The following ATP10A variants were observed in gnomAD, a reference collection of about 807,000 sequenced individuals.
ATP10A encodes the protein ATPase phospholipid transporting 10A (putative), also known as phospholipid-transporting ATPase VA.
Under a neutral mutation model 147.8 loss-of-function variants are expected in ATP10A, and 111 were observed. The observed-to-expected ratio is 0.75, with a 90% CI of 0.64 to 0.88. ATP10A has a LOEUF of 0.88. Among genes scored for constraint, ATP10A ranks in the 40% least tolerant of loss-of-function variants. The pLI, the probability that ATP10A is intolerant of heterozygous loss-of-function variation, is 0.00. For synonymous variants in ATP10A, 875 were observed against 841.6 expected (o/e 1.04, Z -0.69); for missense variants, 1,927 against 1,959.0 (o/e 0.98, Z 0.31).
At chr15:25,842,646 A>G (rs375175069) in intron 1 of ATP10A, among the ~76,000 whole-genome samples, 1 of 152,272 alleles carries the variant, frequency 6.6e-6, no homozygotes, top group African/African-American at 2.4e-5. Flanking sequence ...ATATGTCAAC[A>G]GTCTTTTAGG....
At chr15:25,761,032 A>G (rs987631301) in intron 2 of ATP10A, among the ~76,000 whole-genome samples, 14 of 152,236 alleles carry the variant, frequency 9.2e-5, no homozygotes, top group Admixed American at 2.6e-4. Context: ...CTATCAACAG[A>G]TGAATGAATC....
At chr15:25,840,544 C>A (rs1892769104) in intron 1 of ATP10A, among the ~76,000 whole-genome samples, 1 of 152,114 alleles carries the variant, frequency 6.6e-6, no homozygotes, top group Non-Finnish European at 1.5e-5. Flanking sequence ...GTTTCTTTAA[C>A]CACTTACCTT....
At chr15:25,713,475 A>G (rs192095800) in intron 10 of ATP10A, among the ~76,000 whole-genome samples, 199 bp downstream of exon 10, 11 of 152,340 alleles carry the variant, frequency 7.2e-5, no homozygotes, top group Non-Finnish European at 1.5e-4. Context: ...CAGGCATGGA[A>G]GTCCCCTGAA....
intron 5 of ATP10A, among the ~76,000 whole-genome samples, chr15:25,724,255 G>A (rs182278218): frequency 6.6e-6 from 1 of 152,248 alleles, no homozygotes; most frequent in East Asian, 1.9e-4. Context: ...TCCCATTGTT[G>A]GTGCTAAGTG....
At chr15:25,841,480 T>C (rs1459533135) in intron 1 of ATP10A, 1 of 152,086 alleles carries the variant, frequency 6.6e-6, no homozygotes, top group Non-Finnish European at 1.5e-5. Context: ...TAAGCATTAA[T>C]ATTGGGAGAA....
chr15:25,837,571 A>G (rs776511413), intron 1 of ATP10A, among the ~76,000 whole-genome samples: 49 of 152,274 alleles, frequency 3.2e-4, no homozygotes, highest in Middle Eastern at 6.8e-3. Context: ...AGGGCTTTCC[A>G]TGTAGTAGAT....
chr15:25,727,124 G>A, intron 4 of ATP10A, 36 bp downstream of exon 4: 1 of 1,470,954 alleles, frequency 6.8e-7, no homozygotes, highest in Non-Finnish European at 9.5e-7. Context: ...ACACAGCGCT[G>A]TCTGGCGGCA....
intron 1 of ATP10A, among the ~76,000 whole-genome samples, chr15:25,829,816 G>C (rs1892276989): frequency 6.6e-6 from 1 of 152,118 alleles, no homozygotes; most frequent in Non-Finnish European, 1.5e-5. Context: ...ACGGGGGAGG[G>C]ACACAGTGGG....
At chr15:25,732,289 A>G (rs1284051856) in intron 3 of ATP10A, among the ~76,000 whole-genome samples, 1 of 151,946 alleles carries the variant, frequency 6.6e-6, no homozygotes, top group Non-Finnish European at 1.5e-5. Context: ...AGGATGGAGT[A>G]CAATGGCACA....
chr15:25,727,379 G>T, intron 3 of ATP10A, 113 bp from the exon 4 acceptor site: 1 of 968,724 alleles, frequency 1.0e-6, no homozygotes, highest in Non-Finnish European at 1.6e-6. Context: ...TGGGGCCGCT[G>T]GGATCTGGAC....
Position 25,679,230 on chromosome 15 carries a change from G to T in ATP10A, c.*111C>A. ...TTGGTACCTCTTGTTTCCTGTATTA[G>T]CCTGGGAAACATTTAGAAATACATC... On this transcript the variant is annotated 3_prime_UTR_variant, in exon 21 of 21. Transcript: ENST00000555815. The T allele has an allele frequency of 1.1e-6, 1 of 882,954 alleles. No individual in the cohort carries two copies. 54.7% of individuals were successfully genotyped at this position (882,954 alleles called of 1,614,324 possible).
rs182421788 is a variant in ATP10A, at chr15:25,838,625, T to C, written c.449+24023A>G. Among the ~76,000 whole-genome samples, 280 of 152,334 alleles carry C rather than the reference T, an allele frequency of 1.8e-3. 1 individual carries two copies. Among genetic ancestry groups the C allele is most frequent in the Non-Finnish European group, 2.1e-3 (146 of 68,046 alleles). On this transcript the variant is annotated intron_variant, in intron 1 of 20. Coordinates refer to ENST00000555815, the MANE Select transcript of ATP10A (RefSeq NM_024490.4). Reference sequence around the variant, plus strand: ...CAGCAACGGAGTGTTATTACTCAAGTGCAGATGAAGTTTTGATTTTCTGCA... The same window carrying C: ...CAGCAACGGAGTGTTATTACTCAAGCGCAGATGAAGTTTTGATTTTCTGCA...
chr15:25,831,671 C>G (rs1225583596), intron 1 of ATP10A, among the ~76,000 whole-genome samples: 2 of 152,172 alleles, frequency 1.3e-5, no homozygotes, highest in East Asian at 3.8e-4. Context: ...GAACCTGCAC[C>G]TATAGAGGCT....
Position 25,722,174 on chromosome 15 carries a change from T to C in ATP10A, c.1111-265A>G, listed in dbSNP as rs183938744. Among the ~76,000 whole-genome samples, 30 of 152,122 alleles carry C rather than the reference T, an allele frequency of 2.0e-4. No homozygotes were observed. The East Asian group carries it at 4.8e-3, about 25-fold the overall frequency. On this transcript the variant is annotated intron_variant, in intron 6 of 20. Coordinates refer to ENST00000555815, the MANE Select transcript of ATP10A (RefSeq NM_024490.4). ...GTCTGGAAGTATGGTACCCATGGCT[T>C]GGATAGAAGCAAGCAAGTTGTGCTT...
chr15:25,718,177 C>T lies in ATP10A; in HGVS notation c.1581+5G>A, dbSNP rs750810312. The T allele has an allele frequency of 6.2e-7, 1 of 1,612,128 alleles. No individual in the cohort carries two copies. Among genetic ancestry groups the T allele is most frequent in the Non-Finnish European group, 8.5e-7 (1 of 1,179,278 alleles). On this transcript the variant is annotated splice_donor_5th_base_variant and intron_variant, in intron 8 of 20. Transcript: ENST00000555815. Reference sequence around the variant, plus strand: ...GCACCCTAGCAGGAGGCCCTGTACACTCACCATGGGGCTGCTGAAGGCCGT... The same window carrying T: ...GCACCCTAGCAGGAGGCCCTGTACATTCACCATGGGGCTGCTGAAGGCCGT...
intron 12 of ATP10A, among the ~76,000 whole-genome samples, chr15:25,706,431 A>G (rs12901219): frequency 0.5 from 76,010 of 151,670 alleles, 19,185 homozygotes; most frequent in Admixed American, 0.58. Context: ...ACAAGAGCCC[A>G]AAACACTGGG....
chr15:25,850,864 A>G (rs939879063), intron 1 of ATP10A, among the ~76,000 whole-genome samples: 1 of 152,254 alleles, frequency 6.6e-6, no homozygotes, highest in Non-Finnish European at 1.5e-5. Context: ...AAGGCAGGAC[A>G]TAAAAGTAGT....
At position 25,787,948 on chromosome 15, in the gene ATP10A, C is replaced by T. The variant is rs1459689130; in HGVS notation, c.450-6725G>A. On this transcript the variant is annotated intron_variant, in intron 1 of 20. Transcript: ENST00000555815. ...AGGACACTGCCCTCCCCCAGGATCA[C>T]CTTGGGGACTTCCCTCTGGGCTAAA... 2.0e-5 allele frequency among the ~76,000 whole-genome samples: 3 copies of T among 152,276 alleles called. No individual in the cohort carries two copies. The East Asian group carries it at 5.8e-4, about 29-fold the overall frequency.
rs764579365 is a variant in ATP10A at position 25,691,731 on chromosome 15, C to A, written c.3149G>T (p.Gly1050Val). The A allele has an allele frequency of 1.2e-6, 2 of 1,614,072 alleles. No individual in the cohort carries two copies. The highest frequency in any genetic ancestry group is 1.7e-6 in the Non-Finnish European group (2 of 1,180,038). Reference sequence around the variant, plus strand: ...GGTCTTTACCTGCATACCCTCCTGGCCGGAGATTCCCACACCCACATCTGC... The same window carrying A: ...GGTCTTTACCTGCATACCCTCCTGGACGGAGATTCCCACACCCACATCTGC... ...QVADVGVGISGQEGMQAVMAS... is the reference protein window; with the variant it reads ...QVADVGVGISVQEGMQAVMAS... Residue 1050 changes from glycine to valine, a missense_variant, in exon 15 of 21, where the codon GGC becomes GTC. By Grantham distance (109) the Gly-to-Val change is moderately radical (BLOSUM62 -3). Transcript: ENST00000555815.
Sources: gnomAD v4.1 joint callset for allele counts (sites outside exome capture counted in the v4.1 genomes callset) on GRCh38, gnomAD v4.1.1 for gene constraint, MANE v1.5 for transcripts, NCBI Gene and HGNC (gene_info 2026-07-23, HGNC 2026-07-21) for gene names.